Variants in AGMO observed in about 807,000 individuals in gnomAD.
The protein encoded by AGMO is alkylglycerol monooxygenase, also known as glyceryl-ether monooxygenase.
AGMO carries 75 observed loss-of-function variants against 60.2 expected under a neutral mutation model. The observed-to-expected ratio is 1.25, with a 90% CI of 1.03 to 1.51. The LOEUF is 1.51. AGMO is among the 40% of genes most tolerant of loss of function. The probability of loss-of-function intolerance (pLI) is 0.00; values close to 1 mark genes in which losing one functional copy is unlikely to be tolerated. For missense variants in AGMO, 763 were observed against 525.5 expected (o/e 1.45, Z -4.42); for synonymous variants, 261 against 177.1 (o/e 1.47, Z -3.76).
At chr7:15,414,521 G>T (rs538450866) in intron 5 of AGMO, among the ~76,000 whole-genome samples, 2 of 151,672 alleles carry the variant, frequency 1.3e-5, no homozygotes, top group African/African-American at 4.8e-5. Flanking sequence ...AAGGTGGGGA[G>T]AGAGAGAGAG....
intron 12 of AGMO, among the ~76,000 whole-genome samples, chr7:15,224,638 C>T (rs1170887676): frequency 6.6e-6 from 1 of 151,968 alleles, no homozygotes; most frequent in Non-Finnish European, 1.5e-5. Context: ...CACTGAATGT[C>T]TTATACCCCT....
At chr7:15,541,113 G>T (rs565623291) in intron 3 of AGMO, among the ~76,000 whole-genome samples, 1 of 151,982 alleles carries the variant, frequency 6.6e-6, no homozygotes, top group Middle Eastern at 3.4e-3. Context: ...TTGTTTGTTT[G>T]TTTTTTTGTT....
chr7:15,273,814 GT>G (rs749770934), intron 12 of AGMO, among the ~76,000 whole-genome samples: 3 of 152,126 alleles, frequency 2.0e-5, no homozygotes, highest in Non-Finnish European at 4.4e-5. Flanking sequence ...GTGGTTTGTA[GT>G]TCTCTTTGAA....
intron 12 of AGMO, among the ~76,000 whole-genome samples, chr7:15,350,955 T>A (rs1369575229): frequency 6.6e-6 from 1 of 152,204 alleles, no homozygotes; most frequent in Non-Finnish European, 1.5e-5. Flanking sequence ...TTGGTATGTG[T>A]TACTCTGCCC....
chr7:15,286,046 CTA>C (rs1563070178), intron 12 of AGMO, among the ~76,000 whole-genome samples: 1 of 152,004 alleles, frequency 6.6e-6, no homozygotes, highest in Non-Finnish European at 1.5e-5. Context: ...AACTGGATCC[CTA>C]TCTCTCACCT....
In AGMO at chr7:15,531,500, CTA is replaced by C. The variant is rs1554283630; in HGVS notation, c.409+13270_409+13271del. ...TCTCTATATATATTCTATATATATT[CTA>C]TATATATTCTCTATATATATTCTAT... On this transcript the variant is annotated intron_variant, in intron 3 of 12. Coordinates refer to ENST00000342526, the MANE Select transcript of AGMO (RefSeq NM_001004320.2). 1.2e-4 allele frequency among the ~76,000 whole-genome samples: 4 copies of C among 33,738 alleles called. 1 individual carries two copies. Among genetic ancestry groups the C allele is most frequent in the Middle Eastern group, 0.031 (2 of 64 alleles). 22.1% of individuals were successfully genotyped at this position (33,738 alleles called of 152,430 possible).
At chr7:15,402,441 A>T (rs1784575771) in intron 5 of AGMO, among the ~76,000 whole-genome samples, 1 of 151,548 alleles carries the variant, frequency 6.6e-6, no homozygotes, top group Admixed American at 6.6e-5. Flanking sequence ...TTTATAATTC[A>T]CTATAGGCTC....
intron 12 of AGMO, among the ~76,000 whole-genome samples, chr7:15,257,688 G>C (rs1783137369): frequency 6.6e-6 from 1 of 152,288 alleles, no homozygotes; most frequent in African/African-American, 2.4e-5. Flanking sequence ...TAATTCAGCT[G>C]AAACACTATC....
the AGMO span, among the ~76,000 whole-genome samples, chr7:15,192,685 T>C: frequency 6.6e-6 from 1 of 152,150 alleles, no homozygotes; most frequent in Admixed American, 6.5e-5. Flanking sequence ...CAACTGCTAA[T>C]AGAGCATTAA....
the AGMO span, among the ~76,000 whole-genome samples, chr7:15,167,544 T>C: frequency 6.6e-6 from 1 of 152,102 alleles, no homozygotes; most frequent in Non-Finnish European, 1.5e-5. Context: ...GAAAAAAATA[T>C]CACGGAACAT....
At chr7:15,374,054 G>A (rs1049953781) in intron 10 of AGMO, among the ~76,000 whole-genome samples, 8 of 152,120 alleles carry the variant, frequency 5.3e-5, no homozygotes, top group East Asian at 3.9e-4. Context: ...GTGAGCTTGC[G>A]GATTTGTTAT....
chr7:15,154,279 A>G, the AGMO span, among the ~76,000 whole-genome samples: 1 of 152,170 alleles, frequency 6.6e-6, no homozygotes, highest in Admixed American at 6.5e-5. Context: ...CCCTTTTACA[A>G]TAGCTGCAAA....
chr7:15,539,687 T>C (rs950185458), intron 3 of AGMO, among the ~76,000 whole-genome samples: 1 of 152,214 alleles, frequency 6.6e-6, no homozygotes, highest in African/African-American at 2.4e-5. Flanking sequence ...AAATGGTAAT[T>C]CTAAGTTATT....
intron 12 of AGMO, among the ~76,000 whole-genome samples, chr7:15,360,663 G>A (rs10228003): frequency 6.6e-6 from 1 of 151,930 alleles, no homozygotes; most frequent in Admixed American, 6.6e-5. Flanking sequence ...TGGATGAGGT[G>A]TAAGGGGAGG....
At chr7:15,553,766 T>C (rs1287371421) in intron 2 of AGMO, among the ~76,000 whole-genome samples, 1 of 152,012 alleles carries the variant, frequency 6.6e-6, no homozygotes, top group Non-Finnish European at 1.5e-5. Context: ...TTGAAATACT[T>C]TTCTATTTCC....
At chr7:15,290,475 T>C (rs965180631) in intron 12 of AGMO, among the ~76,000 whole-genome samples, 1 of 152,204 alleles carries the variant, frequency 6.6e-6, no homozygotes, top group Non-Finnish European at 1.5e-5. Context: ...TCTTAAAGCC[T>C]AAGAGAAGAT....
intron 2 of AGMO, among the ~76,000 whole-genome samples, chr7:15,551,194 A>G (rs1784950318): frequency 6.6e-6 from 1 of 152,132 alleles, no homozygotes; most frequent in Non-Finnish European, 1.5e-5. Flanking sequence ...ATCTATGACA[A>G]ACCCACAGCC....
chr7:15,471,006 A>C (rs1782438679), intron 3 of AGMO, among the ~76,000 whole-genome samples: 1 of 152,008 alleles, frequency 6.6e-6, no homozygotes, highest in Admixed American at 6.6e-5. Context: ...GTAAAAATTA[A>C]GTACTCATGG....
intron 12 of AGMO, among the ~76,000 whole-genome samples, chr7:15,285,040 A>C (rs1335324871): frequency 6.6e-6 from 1 of 152,052 alleles, no homozygotes; most frequent in Non-Finnish European, 1.5e-5. Flanking sequence ...ACTGTATGAT[A>C]AAAATCCTCA....
Sources: gnomAD v4.1 joint callset for allele counts (sites outside exome capture counted in the v4.1 genomes callset) on GRCh38, gnomAD v4.1.1 for gene constraint, MANE v1.5 for transcripts, NCBI Gene and HGNC (gene_info 2026-07-23, HGNC 2026-07-21) for gene names.